LGSN: variants seen among roughly 807,000 people sequenced by gnomAD.
The protein encoded by LGSN is lengsin, lens protein with glutamine synthetase domain, also known as lengsin.
A neutral mutation model predicts 19.5 loss-of-function variants in LGSN; 21 were observed. The observed-to-expected ratio is 1.07, with a 90% CI of 0.76 to 1.55. The LOEUF (loss-of-function observed/expected upper bound fraction) is 1.55, where lower values mean the gene tolerates loss of function less well. Ranked by LOEUF, LGSN falls within the 40% of genes most tolerant of loss-of-function variation. LGSN has a pLI of 0.00. For missense variants in LGSN, 673 were observed against 608.5 expected (o/e 1.11, Z -1.12); for synonymous variants, 257 against 215.6 (o/e 1.19, Z -1.68).
chr6:63,313,864 A>C (rs1768731286), intron 1 of LGSN, among the ~76,000 whole-genome samples: 1 of 151,132 alleles, frequency 6.6e-6, no homozygotes, highest in South Asian at 2.1e-4. Context: ...AAATAAATAA[A>C]TAAATACATA....
chr6:63,549,566 G>GTT, the LGSN span: 1,089 of 494,292 alleles, frequency 2.2e-3, 6 homozygotes, highest in African/African-American at 0.015. Context: ...AAGATTTGAA[G>GTT]TTTTTTTTTT....
the LGSN span, among the ~76,000 whole-genome samples, chr6:63,526,803 G>GTATATATATATATATATATATA: frequency 8.9e-5 from 9 of 101,432 alleles, no homozygotes; most frequent in African/African-American, 3.9e-4. Context: ...TCTCAAAAAT[G>GTATATATATATATATATATATA]TATATATATA....
At chr6:63,447,361 G>A in the LGSN span, among the ~76,000 whole-genome samples, 1 of 152,200 alleles carries the variant, frequency 6.6e-6, no homozygotes, top group African/African-American at 2.4e-5. Flanking sequence ...TGGGTTGCCA[G>A]AAGTCTGACT....
the LGSN span, among the ~76,000 whole-genome samples, chr6:63,509,999 C>A: frequency 6.6e-6 from 1 of 152,138 alleles, no homozygotes; most frequent in Admixed American, 6.5e-5. Flanking sequence ...AGGACTATCA[C>A]AAATGAAGTG....
At chr6:63,379,598 G>A in the LGSN span, among the ~76,000 whole-genome samples, 1 of 152,134 alleles carries the variant, frequency 6.6e-6, no homozygotes, top group Non-Finnish European at 1.5e-5. Flanking sequence ...GTATCAAGCA[G>A]ACTACAGCAG....
At chr6:63,352,261 T>A in the LGSN span, among the ~76,000 whole-genome samples, 3 of 152,352 alleles carry the variant, frequency 2.0e-5, no homozygotes, top group East Asian at 5.8e-4. Flanking sequence ...AAAACTCACA[T>A]GTTAGTAGAG....
chr6:63,481,993 C>A, the LGSN span: 1 of 155,348 alleles, frequency 6.4e-6, no homozygotes, highest in Non-Finnish European at 1.4e-5. Flanking sequence ...TCTTCTATTT[C>A]TGATTATCTA....
chr6:63,406,686 A>T, the LGSN span, among the ~76,000 whole-genome samples: 5 of 152,228 alleles, frequency 3.3e-5, no homozygotes, highest in South Asian at 8.3e-4. Flanking sequence ...TCAGAGCATA[A>T]CTGAAGGAAA....
Position 63,280,903 on chromosome 6 carries a change from G to A in LGSN, c.648C>T (p.Pro216=), listed in dbSNP as rs146916095. ...FIYDFCIFGV[P]EILNSKIISF... ...ATATAATCTTTGAATTTAAAATTTC[G>A]GGCACACCAAAAATGCAAAAATCAT... Residue 216 remains proline (P), a synonymous_variant, in exon 4 of 4, where the codon CCC becomes CCT. Transcript: ENST00000370657. 2.9e-4 allele frequency: 472 copies of A among 1,613,814 alleles called. 2 individuals carry two copies. In the South Asian group the frequency reaches 4.8e-3, roughly 16 times the overall value.
intron 1 of LGSN, among the ~76,000 whole-genome samples, chr6:63,309,030 G>A (rs1768518383): frequency 6.6e-6 from 1 of 152,136 alleles, no homozygotes; most frequent in South Asian, 2.1e-4. Flanking sequence ...CGTCATGTAT[G>A]TTCAGTGCCA....
At chr6:63,347,486 A>C in the LGSN span, among the ~76,000 whole-genome samples, 1 of 152,174 alleles carries the variant, frequency 6.6e-6, no homozygotes, top group Admixed American at 6.5e-5. Context: ...CAGACATATA[A>C]TTTCAAGGTC....
the LGSN span, among the ~76,000 whole-genome samples, chr6:63,448,401 T>C: frequency 6.6e-6 from 1 of 152,172 alleles, no homozygotes; most frequent in African/African-American, 2.4e-5. Flanking sequence ...CTAAACGTCA[T>C]ATGAAAGGTT....
At chr6:63,349,426 A>G in the LGSN span, among the ~76,000 whole-genome samples, 2 of 152,360 alleles carry the variant, frequency 1.3e-5, no homozygotes, top group South Asian at 2.1e-4. Flanking sequence ...TAGGTATTCA[A>G]TCAAACATTA....
the LGSN span, among the ~76,000 whole-genome samples, chr6:63,412,089 G>A: frequency 5.9e-5 from 9 of 152,100 alleles, no homozygotes; most frequent in South Asian, 4.1e-4. Context: ...AGGGCAGGTC[G>A]GGCAAAGTGG....
the LGSN span, among the ~76,000 whole-genome samples, chr6:63,412,567 A>AAAGAAAGAAAGG: frequency 1.7e-3 from 201 of 121,504 alleles, 1 homozygote; most frequent in East Asian, 3.2e-3. Flanking sequence ...AGAAAGAAAG[A>AAAGAAAGAAAGG]AAGGAAGGAA....
At chr6:63,468,045 A>G in the LGSN span, among the ~76,000 whole-genome samples, 1 of 152,204 alleles carries the variant, frequency 6.6e-6, no homozygotes, top group Non-Finnish European at 1.5e-5. Context: ...TCACATTGGA[A>G]GTTAAGAATT....
chr6:63,475,941 G>C, the LGSN span, among the ~76,000 whole-genome samples: 1 of 152,170 alleles, frequency 6.6e-6, no homozygotes, highest in African/African-American at 2.4e-5. Context: ...GGAAAAGGCA[G>C]GGTGTCTAGT....
the LGSN span, among the ~76,000 whole-genome samples, chr6:63,426,502 G>GATTTATTTATTTATTTATTTATTT: frequency 8.8e-4 from 134 of 151,858 alleles, no homozygotes; most frequent in African/African-American, 3.0e-3. Context: ...AAGTTATTTA[G>GATTTATTTATTTATTTATTTATTT]ATTTATTTAT....
At chr6:63,559,665 A>C in the LGSN span, among the ~76,000 whole-genome samples, 1 of 152,056 alleles carries the variant, frequency 6.6e-6, no homozygotes, top group Non-Finnish European at 1.5e-5. Context: ...GAATCACTGG[A>C]ACCCAGGAAG....
Sources: gnomAD v4.1 joint callset for allele counts (sites outside exome capture counted in the v4.1 genomes callset) on GRCh38, gnomAD v4.1.1 for gene constraint, MANE v1.5 for transcripts, NCBI Gene and HGNC (gene_info 2026-07-23, HGNC 2026-07-21) for gene names.